The following LRRC45 variants were observed in gnomAD, a reference collection of about 807,000 sequenced individuals.
LRRC45 encodes leucine rich repeat containing 45.
A neutral mutation model predicts 85.4 loss-of-function variants in LRRC45; 73 were observed. The observed-to-expected ratio is 0.85, with a 90% CI of 0.71 to 1.04. The LOEUF (loss-of-function observed/expected upper bound fraction) is 1.04, where lower values mean the gene tolerates loss of function less well. Ranked by LOEUF, LRRC45 falls within the 50% of genes least tolerant of loss-of-function variation. LRRC45 has a pLI of 0.00. For synonymous variants in LRRC45, 429 were observed against 386.0 expected (o/e 1.11, Z -1.31); for missense variants, 937 against 883.3 (o/e 1.06, Z -0.77).
rs1232697432 is a variant in LRRC45 at position 82,023,487 on chromosome 17, A to G, written c.-157A>G. ...GACTACCGCCCAGCCCCGCGCTCCC[A>G]GGACCTCCCGCCCGCGGAGCCCACT... On this transcript the variant is annotated 5_prime_UTR_variant, in exon 1 of 17. Coordinates refer to ENST00000306688, the MANE Select transcript of LRRC45 (RefSeq NM_144999.4). 4 of 653,440 alleles carry G rather than the reference A, an allele frequency of 6.1e-6. No homozygotes were observed. Among genetic ancestry groups the G allele is most frequent in the East Asian group, 3.0e-5 (1 of 33,300 alleles). The allele number at this position is 653,440 out of a possible 1,614,324, so 40.5% of individuals were successfully genotyped here.
intron 6 of LRRC45, 151 bp downstream of exon 6, chr17:82,027,162 C>A: frequency 1.2e-6 from 1 of 867,552 alleles, no homozygotes; most frequent in Non-Finnish European, 1.8e-6. Context: ...GGAGGGGCGG[C>A]CTCCTGGTCT....
intron 8 of LRRC45, 40 bp from the exon 9 acceptor site, chr17:82,027,971 A>T: frequency 6.4e-7 from 1 of 1,563,526 alleles, no homozygotes; most frequent in Non-Finnish European, 8.6e-7. Flanking sequence ...GGCAAGTGAA[A>T]CTCCAACCGG....
chr17:82,024,082 G>T (rs1282740125), intron 1 of LRRC45, 196 bp from the exon 2 acceptor site: 1 of 748,056 alleles, frequency 1.3e-6, no homozygotes, highest in East Asian at 2.7e-5. Flanking sequence ...CCCGCGTGCA[G>T]AGCCGGCTTG....
chr17:82,028,639 T>C lies in LRRC45; in HGVS notation c.1264T>C (p.Cys422Arg). The C allele has an allele frequency of 6.2e-7, 1 of 1,612,906 alleles. No homozygotes were observed. Among genetic ancestry groups the C allele is most frequent in the Non-Finnish European group, 8.5e-7 (1 of 1,179,936 alleles). ...EERLDMEKRR[C>R]RQSLEDSESL... ...GCGCCTGGACATGGAGAAGAGAAGA[T>C]GCAGACAGAGCCTGGAGGACTCCGA... The change falls in exon 12 of 17, where the codon TGC becomes CGC. Residue 422 changes from cysteine (C) to arginine (R), a missense_variant. By Grantham distance (180) the Cys-to-Arg change is radical. Transcript: ENST00000306688.
chr17:82,024,298 G>T lies in LRRC45; in HGVS notation c.241G>T (p.Gly81Cys). 1.2e-6 allele frequency: 2 copies of T among 1,612,428 alleles called. No homozygotes were observed. Among genetic ancestry groups the T allele is most frequent in the Non-Finnish European group, 1.7e-6 (2 of 1,179,948 alleles). ...SEEGATLLLR[G>C]LCANTVLRFL... ...CACAGGGGCCACACTGCTGCTCCGA[G>T]GCCTGTGTGCCAACACCGTGCTGCG... The change falls in exon 2 of 17, where the codon GGC (glycine) becomes TGC (cysteine). Residue 81 changes from glycine (G) to cysteine (C), a missense_variant. Gly to Cys is a radical substitution (Grantham distance 159). Coordinates refer to ENST00000306688, the MANE Select transcript of LRRC45 (RefSeq NM_144999.4).
In LRRC45 at chr17:82,031,101, C is replaced by T. The variant is rs948820069; in HGVS notation, c.*296C>T. 1 of 356,998 alleles carries T rather than the reference C, an allele frequency of 2.8e-6. No homozygotes were observed. Among genetic ancestry groups the T allele is most frequent in the African/African-American group, 2.1e-5 (1 of 47,748 alleles). 22.1% of individuals were successfully genotyped at this position (356,998 alleles called of 1,614,324 possible). ...GCGATGTCACCGTGAACGCTGCGGC[C>T]GCCTGCGCGCGGCGGGGTTTGGAAA... is the stretch of plus-strand genomic sequence containing the variant. On this transcript the variant is annotated 3_prime_UTR_variant, in exon 17 of 17. Coordinates refer to ENST00000306688, the MANE Select transcript of LRRC45 (RefSeq NM_144999.4).
At position 82,023,932 on chromosome 17, in the gene LRRC45, G is replaced by T. The variant is rs1190831599; in HGVS notation, c.220+69G>T. 3 of 1,411,784 alleles carry T rather than the reference G, an allele frequency of 2.1e-6. No homozygotes were observed. In the East Asian group the frequency reaches 7.5e-5, roughly 35 times the overall value. 87.5% of individuals were successfully genotyped at this position (1,411,784 alleles called of 1,614,324 possible). On this transcript the variant is annotated intron_variant, in intron 1 of 16. Coordinates refer to ENST00000306688, the MANE Select transcript of LRRC45 (RefSeq NM_144999.4). ...CCACACCATTGCCTCGGCAGCCCGA[G>T]GTCGCTTCCTCTCCAGGCTCTCCAA...
In LRRC45 at chr17:82,028,504, C is replaced by T. The variant is rs573087429; in HGVS notation, c.1233C>T (p.Ala411=). 47 of 1,612,304 alleles carry T rather than the reference C, an allele frequency of 2.9e-5. 1 individual carries two copies. Among genetic ancestry groups the T allele is most frequent in the South Asian group, 2.9e-4 (26 of 91,002 alleles). Residue 411 remains alanine (A), a synonymous_variant, in exon 11 of 17, where the codon GCC becomes GCT. Transcript: ENST00000306688. Reference sequence around the variant, plus strand: ...AGCTGAAGATGCGGGCCATCCAGGCCGAGGGTGGGCACGGGCAGGCCTGCT... The same window carrying T: ...AGCTGAAGATGCGGGCCATCCAGGCTGAGGGTGGGCACGGGCAGGCCTGCT... ...SAELKMRAIQ[A]EERLDMEKRR...
At position 82,025,402 on chromosome 17, in the gene LRRC45, C is replaced by T. The variant is rs765035700; in HGVS notation, c.556C>T (p.Leu186Phe). The change falls in exon 5 of 17, where the codon CTC becomes TTC. Residue 186 changes from leucine to phenylalanine, a missense_variant. Leu to Phe is a conservative substitution (Grantham distance 22). Transcript: ENST00000306688. ...QLDLRWNNVGLLGGRALMNCL... is the reference protein window; with the variant it reads ...QLDLRWNNVGFLGGRALMNCL... ...AGACCTGCGCTGGAATAACGTTGGC[C>T]TCCTGGGGGGCCGGGCCCTCATGAA... is the stretch of plus-strand genomic sequence containing the variant. 2.3e-5 allele frequency: 37 copies of T among 1,595,558 alleles called. 1 individual carries two copies. The East Asian group carries it at 7.6e-4, about 33-fold the overall frequency.
intron 14 of LRRC45, among the ~76,000 whole-genome samples, chr17:82,029,858 A>G (rs545836617): frequency 6.6e-6 from 1 of 152,272 alleles, no homozygotes; most frequent in East Asian, 1.9e-4. Context: ...ACACGCATGG[A>G]TGGATGGGAG....
chr17:82,027,684 G>A lies in LRRC45; in HGVS notation c.844G>A (p.Ala282Thr). 1 of 1,610,600 alleles carries A rather than the reference G, an allele frequency of 6.2e-7. No individual in the cohort carries two copies. Among genetic ancestry groups the A allele is most frequent in the Non-Finnish European group, 8.5e-7 (1 of 1,178,988 alleles). ...EMAKSSRASA[A>T]RVGQLQEALN... is the part of the protein sequence containing the mutation. ...CCTCTCTGCCCACAGGGCGTCGGCA[G>A]CCCGTGTAGGGCAGCTTCAGGAAGC... The change falls in exon 8 of 17, where the codon GCC becomes ACC. Residue 282 changes from alanine (A) to threonine (T), a missense_variant. Physicochemically the swap from Ala to Thr is moderately conservative, Grantham distance 58 (BLOSUM62 0). Coordinates refer to ENST00000306688, the MANE Select transcript of LRRC45 (RefSeq NM_144999.4).
At position 82,030,123 on chromosome 17, in the gene LRRC45, A is replaced by T; in HGVS notation, c.1553A>T (p.Glu518Val). 1 of 1,547,962 alleles carries T rather than the reference A, an allele frequency of 6.5e-7. No homozygotes were observed. The highest frequency in any genetic ancestry group is 1.2e-5 in the South Asian group (1 of 84,038). ...KLRLLAQARDEAQGACLQQKQ... is the reference protein window; with the variant it reads ...KLRLLAQARDVAQGACLQQKQ... ...AGACTGCTGGCGCAGGCACGGGACGAGGCGCAGGGCGCTTGCCTACAGCAG... is the reference window on the plus strand; with the variant it reads ...AGACTGCTGGCGCAGGCACGGGACGTGGCGCAGGGCGCTTGCCTACAGCAG... Residue 518 changes from glutamate (E) to valine (V), a missense_variant, in exon 15 of 17, where the codon GAG becomes GTG. Glu to Val is a moderately radical substitution (Grantham distance 121). Coordinates refer to ENST00000306688, the MANE Select transcript of LRRC45 (RefSeq NM_144999.4).
chr17:82,023,364 A>C lies in LRRC45; in HGVS notation c.-280A>C, dbSNP rs887851799. The stretch of plus-strand genomic sequence containing the variant: ...TCGCGAGGGCGGGGGTCGGGGCTGC[A>C]GGCGGGGCAGGGCTGGGTGGGGGCG... On this transcript the variant is annotated 5_prime_UTR_variant, in exon 1 of 17. Transcript: ENST00000306688. 6.4e-6 allele frequency: 3 copies of C among 466,848 alleles called. No individual in the cohort carries two copies. Among genetic ancestry groups the C allele is most frequent in the Non-Finnish European group, 1.1e-5 (3 of 265,652 alleles). 28.9% of individuals were successfully genotyped at this position (466,848 alleles called of 1,614,324 possible).
intron 1 of LRRC45, 34 bp downstream of exon 1, chr17:82,023,897 C>T (rs1268138510): frequency 1.3e-6 from 2 of 1,525,318 alleles, no homozygotes; most frequent in African/African-American, 1.4e-5. Context: ...TCCCTCTGCT[C>T]CTTAGCTGCC....
intron 12 of LRRC45, 162 bp from the exon 13 acceptor site, chr17:82,028,931 G>A (rs1288019854): frequency 4.1e-6 from 3 of 728,150 alleles, no homozygotes; most frequent in Non-Finnish European, 7.0e-6. Context: ...CGTTCAGGGT[G>A]TGCATGCTGC....
rs1276765347 is a variant in LRRC45, at chr17:82,025,367, G to A, written c.533-12G>A. ...GGTGCATTCTGTCTGGTGACTACAGGTTTCCTTCCAGACCTGCGCTGGAAT... is the reference window on the plus strand; with the variant it reads ...GGTGCATTCTGTCTGGTGACTACAGATTTCCTTCCAGACCTGCGCTGGAAT... On this transcript the variant is annotated splice_polypyrimidine_tract_variant and intron_variant, in intron 4 of 16. Coordinates refer to ENST00000306688, the MANE Select transcript of LRRC45 (RefSeq NM_144999.4). The A allele has an allele frequency of 1.3e-6, 2 of 1,564,570 alleles. No individual in the cohort carries two copies. Among genetic ancestry groups the A allele is most frequent in the Non-Finnish European group, 1.7e-6 (2 of 1,154,542 alleles).
Position 82,029,221 on chromosome 17 carries a change from A to G in LRRC45, c.1401+36A>G, listed in dbSNP as rs538509850. 1.6e-5 allele frequency: 26 copies of G among 1,586,024 alleles called. No individual in the cohort carries two copies. In the African/African-American group the frequency reaches 2.4e-4, roughly 15 times the overall value. ...ACCAGGCAGGGCCAAGCTCTGCCTT[A>G]GTCCTGGGCTGAACAAGGCAGGGGC... On this transcript the variant is annotated intron_variant, in intron 13 of 16. Transcript: ENST00000306688.
intron 15 of LRRC45, 30 bp downstream of exon 15, chr17:82,030,268 G>T: frequency 6.5e-7 from 1 of 1,536,346 alleles, no homozygotes. Context: ...GGGGCCCCGG[G>T]CGTGCTAGCC....
intron 5 of LRRC45, 36 bp downstream of exon 5, chr17:82,025,543 C>A (rs761860198): frequency 2.0e-6 from 3 of 1,498,100 alleles, no homozygotes; most frequent in Non-Finnish European, 2.7e-6. Context: ...ACGCGTGAGC[C>A]TTTGACAGAG....
Sources: gnomAD v4.1 joint callset for allele counts (sites outside exome capture counted in the v4.1 genomes callset) on GRCh38, gnomAD v4.1.1 for gene constraint, MANE v1.5 for transcripts, NCBI Gene and HGNC (gene_info 2026-07-23, HGNC 2026-07-21) for gene names.